The following GRAMD1B variants were observed in gnomAD, a reference collection of about 807,000 sequenced individuals.
The protein encoded by GRAMD1B is protein Aster-B.
GRAMD1B carries 37 observed loss-of-function variants against 99.7 expected under a neutral mutation model. That is an observed-to-expected ratio of 0.37 (90% CI 0.29 to 0.49). The LOEUF is 0.49. GRAMD1B is among the 20% of genes least tolerant of loss of function. The pLI, the probability that GRAMD1B is intolerant of heterozygous loss-of-function variation, is 0.98. For synonymous variants in GRAMD1B, 427 were observed against 387.6 expected, an observed-to-expected ratio of 1.10 and a Z score of -1.19; for missense variants, 888 against 1,009.2, an observed-to-expected ratio of 0.88 and a Z score of 1.63.
intron 2 of GRAMD1B, among the ~76,000 whole-genome samples, chr11:123,493,117 G>A (rs1309068304): frequency 2.6e-5 from 4 of 152,212 alleles, no homozygotes; most frequent in Non-Finnish European, 4.4e-5. Context: ...ACAAGATTCA[G>A]TAATGGCTGC....
rs192783264 is a variant in GRAMD1B, at chr11:123,585,373, A to C, written c.684+1041A>C. ...TGGCGCTGGGCGGTTCCTCAAAGTC[A>C]GGCATGTGCTCACGAGCCCTGTGGC... On this transcript the variant is annotated intron_variant, in intron 4 of 19. Transcript: ENST00000635736. 8.5e-5 allele frequency among the ~76,000 whole-genome samples: 13 copies of C among 152,318 alleles called. No homozygotes were observed. The East Asian group carries it at 2.5e-3, about 29-fold the overall frequency.
At chr11:123,445,917 C>T (rs563704862) in intron 1 of GRAMD1B, among the ~76,000 whole-genome samples, 316 of 151,384 alleles carry the variant, frequency 2.1e-3, no homozygotes, top group Non-Finnish European at 3.8e-3. Flanking sequence ...TTTATGTTTT[C>T]AAGACATACT....
intron 1 of GRAMD1B, among the ~76,000 whole-genome samples, chr11:123,370,379 C>T (rs1410768650): frequency 7.7e-6 from 1 of 130,444 alleles, no homozygotes; most frequent in Non-Finnish European, 1.5e-5. Context: ...CTCACTCTGT[C>T]GCCCAGGCTG....
intron 2 of GRAMD1B, among the ~76,000 whole-genome samples, chr11:123,496,051 G>A (rs181243896): frequency 6.6e-6 from 1 of 152,180 alleles, no homozygotes; most frequent in Admixed American, 6.5e-5. Flanking sequence ...TTACATGTGA[G>A]TTTTCTACCT....
At chr11:123,420,355 T>C (rs1948386453) in intron 1 of GRAMD1B, among the ~76,000 whole-genome samples, 1 of 152,176 alleles carries the variant, frequency 6.6e-6, no homozygotes, top group African/African-American at 2.4e-5. Flanking sequence ...TAAGAGGTAT[T>C]AAAGACACTT....
chr11:123,365,803 G>T (rs1946301210), intron 1 of GRAMD1B, among the ~76,000 whole-genome samples: 1 of 152,158 alleles, frequency 6.6e-6, no homozygotes, highest in Admixed American at 6.5e-5. Flanking sequence ...AAGTTTTCTT[G>T]TGATCTAAGT....
chr11:123,505,066 A>G (rs201468934), intron 2 of GRAMD1B, among the ~76,000 whole-genome samples: 3 of 152,056 alleles, frequency 2.0e-5, no homozygotes, highest in East Asian at 3.8e-4. Context: ...CACTCTCCCC[A>G]AAGCCCCTCT....
intron 2 of GRAMD1B, among the ~76,000 whole-genome samples, chr11:123,515,339 T>C (rs1482541038): frequency 2.0e-5 from 3 of 152,186 alleles, no homozygotes; most frequent in Non-Finnish European, 4.4e-5. Context: ...GGAGTGGTAC[T>C]GGTTGAGCAT....
At chr11:123,364,307 C>G (rs1027098825) in intron 1 of GRAMD1B, among the ~76,000 whole-genome samples, 1 of 152,208 alleles carries the variant, frequency 6.6e-6, no homozygotes, top group African/African-American at 2.4e-5. Flanking sequence ...TGAAATGAAA[C>G]AGGCTTACTA....
At chr11:123,554,973 A>G (rs1433403950) in intron 2 of GRAMD1B, among the ~76,000 whole-genome samples, 1 of 152,224 alleles carries the variant, frequency 6.6e-6, no homozygotes, top group Non-Finnish European at 1.5e-5. Context: ...GGACTGGGGC[A>G]CATAAGCTGG....
chr11:123,533,218 G>A (rs970269600), intron 2 of GRAMD1B, among the ~76,000 whole-genome samples: 6 of 152,040 alleles, frequency 3.9e-5, no homozygotes, highest in South Asian at 2.1e-4. Context: ...TGATCTGCCC[G>A]CCTCAGCCTC....
At chr11:123,374,484 T>C (rs75371660) in intron 1 of GRAMD1B, among the ~76,000 whole-genome samples, 2,105 of 152,266 alleles carry the variant, frequency 0.014, 51 homozygotes, top group African/African-American at 0.049. Flanking sequence ...CTTACTATCT[T>C]TGGAATAAAA....
chr11:123,580,977 T>C (rs1310123267), intron 3 of GRAMD1B, among the ~76,000 whole-genome samples: 1 of 151,786 alleles, frequency 6.6e-6, no homozygotes, highest in Non-Finnish European at 1.5e-5. Context: ...AAAGTAAGAA[T>C]TGTTTTTTAT....
intron 1 of GRAMD1B, among the ~76,000 whole-genome samples, chr11:123,375,454 G>A (rs916813192): frequency 3.9e-5 from 6 of 152,004 alleles, no homozygotes; most frequent in Non-Finnish European, 8.8e-5. Context: ...CTGTTTATCC[G>A]GCATCTCCTC....
At chr11:123,500,999 G>T (rs1313662798) in intron 2 of GRAMD1B, among the ~76,000 whole-genome samples, 1 of 151,970 alleles carries the variant, frequency 6.6e-6, no homozygotes, top group South Asian at 2.1e-4. Context: ...AGGGCATATT[G>T]CGTGCTTAAC....
rs1948836350 is a variant in GRAMD1B, at chr11:123,430,729, A to G, written c.-64A>G. On this transcript the variant is annotated 5_prime_UTR_variant, in exon 1 of 20. Transcript: ENST00000635736. The stretch of plus-strand genomic sequence containing the variant: ...GCGGGGCCGAGGGTGGGGAACAGCC[A>G]GAGGGAGACGCGAACCAGGCCGCTG... 1.6e-6 allele frequency: 1 copy of G among 609,872 alleles called. No individual in the cohort carries two copies. Among genetic ancestry groups the G allele is most frequent in the Non-Finnish European group, 2.9e-6 (1 of 344,494 alleles). The allele number at this position is 609,872 out of a possible 1,614,324, so 37.8% of individuals were successfully genotyped here. A position where few individuals can be genotyped will look rare whatever the true frequency, so the allele number is the denominator to read the frequency against.
intron 1 of GRAMD1B, among the ~76,000 whole-genome samples, chr11:123,449,936 T>C (rs1310512337): frequency 6.6e-6 from 1 of 152,042 alleles, no homozygotes; most frequent in East Asian, 1.9e-4. Context: ...TTGCCCAGGC[T>C]GGTCTTGAAC....
chr11:123,368,911 T>C (rs565079349), intron 1 of GRAMD1B, among the ~76,000 whole-genome samples: 64 of 151,212 alleles, frequency 4.2e-4, no homozygotes, highest in African/African-American at 1.4e-3. Flanking sequence ...AGTTGAGAGT[T>C]TGAGCTCCCT....
intron 2 of GRAMD1B, among the ~76,000 whole-genome samples, chr11:123,497,159 C>T (rs1939376381): frequency 6.6e-6 from 1 of 152,226 alleles, no homozygotes; most frequent in Non-Finnish European, 1.5e-5. Context: ...TGTTGTGGTT[C>T]TTGTCTACTC....
Sources: allele counts gnomAD v4.1 joint callset (sites outside exome capture counted in the v4.1 genomes callset), GRCh38; gene constraint gnomAD v4.1.1; transcripts MANE v1.5; gene names NCBI Gene and HGNC (gene_info 2026-07-23, HGNC 2026-07-21).